Variants in WWC2 observed in about 807,000 individuals in gnomAD.
WWC2 encodes the protein protein WWC2.
In WWC2, 101 loss-of-function variants were observed where a neutral mutation model predicts 138.5. The observed-to-expected ratio is 0.73, with a 90% confidence interval of 0.62 to 0.86. The LOEUF is 0.86. WWC2 is among the 40% of genes least tolerant of loss of function. WWC2 has a pLI of 0.00. For synonymous variants in WWC2, 558 were observed against 538.4 expected, an observed-to-expected ratio of 1.04 and a Z score of -0.50; for missense variants, 1,420 against 1,419.4, an observed-to-expected ratio of 1.00 and a Z score of -0.01.
chr4:183,108,346 A>T (rs2152886943), intron 1 of WWC2, among the ~76,000 whole-genome samples: 1 of 152,160 alleles, frequency 6.6e-6, no homozygotes, highest in Middle Eastern at 3.4e-3. Context: ...TCTCCCCCAA[A>T]ACCGTAGTAA....
chr4:183,187,886 CATAAAA>C (rs1278694853), intron 1 of WWC2, among the ~76,000 whole-genome samples: 2 of 150,726 alleles, frequency 1.3e-5, no homozygotes, highest in Non-Finnish European at 3.0e-5. Flanking sequence ...TAAATAAATA[CATAAAA>C]ATAAAAAAAA....
In WWC2 at chr4:183,213,193, A is replaced by G. The variant is rs150148201; in HGVS notation, c.522+4168A>G. Among the ~76,000 whole-genome samples the G allele has an allele frequency of 1.3e-3, 195 of 152,316 alleles. 1 individual carries two copies. Among genetic ancestry groups the G allele is most frequent in the African/African-American group, 4.5e-3 (189 of 41,570 alleles). On this transcript the variant is annotated intron_variant, in intron 4 of 22. Coordinates refer to ENST00000403733, the MANE Select transcript of WWC2 (RefSeq NM_024949.6). ...TTGAGCTGTGTTTGAACACTTGGGC[A>G]CAGATGGTGCGCTGTTTGGTATCTG...
intron 1 of WWC2, among the ~76,000 whole-genome samples, chr4:183,160,942 T>A (rs2111139511): frequency 6.6e-6 from 1 of 152,168 alleles, no homozygotes; most frequent in Non-Finnish European, 1.5e-5. Context: ...GAAGTAGCTT[T>A]AAGGAGTTAA....
chr4:183,304,132 A>G (rs556006389), intron 21 of WWC2, among the ~76,000 whole-genome samples: 30 of 152,266 alleles, frequency 2.0e-4, no homozygotes, highest in African/African-American at 3.6e-4. Context: ...TGAAAAATCA[A>G]TTCTTCTTAG....
At chr4:183,275,534 A>G (rs1306172721) in intron 16 of WWC2, among the ~76,000 whole-genome samples, 1 of 152,152 alleles carries the variant, frequency 6.6e-6, no homozygotes, top group Non-Finnish European at 1.5e-5. Flanking sequence ...TTGGATTTGT[A>G]AAATGCCTTT....
intron 1 of WWC2, among the ~76,000 whole-genome samples, chr4:183,132,484 C>T (rs1421078897): frequency 3.4e-5 from 5 of 149,244 alleles, no homozygotes; most frequent in Non-Finnish European, 1.5e-5. Context: ...GACGGAGTCT[C>T]GCTCTGTCGC....
chr4:183,268,395 G>A (rs192519884), intron 14 of WWC2, among the ~76,000 whole-genome samples: 26 of 152,264 alleles, frequency 1.7e-4, no homozygotes, highest in East Asian at 3.9e-4. Flanking sequence ...ACAGTTTGTC[G>A]TATCTCAGAA....
At position 183,260,933 on chromosome 4, in the gene WWC2, T is replaced by G. The variant is rs771204711; in HGVS notation, c.1310T>G (p.Met437Arg). Residue 437 changes from methionine (M) to arginine (R), a missense_variant, in exon 11 of 23, where the codon ATG becomes AGG. By Grantham distance (91) the Met-to-Arg change is moderately conservative. Coordinates refer to ENST00000403733, the MANE Select transcript of WWC2 (RefSeq NM_024949.6). Reference protein sequence around the residue: ...LKSLSASTLSMSSGSSLGSLA... With the variant: ...LKSLSASTLSRSSGSSLGSLA... The stretch of plus-strand genomic sequence containing the variant: ...AGCCTCTCTGCCAGCACCCTGTCCA[T>G]GTCATCTGGGAGCAGCCTGGGTTCC... 6.2e-7 allele frequency: 1 copy of G among 1,613,770 alleles called. No individual in the cohort carries two copies. The highest frequency in any genetic ancestry group is 8.5e-7 in the Non-Finnish European group (1 of 1,179,886).
In WWC2 at chr4:183,230,164, G is replaced by A. The variant is rs1019824224; in HGVS notation, c.523-10019G>A. Among the ~76,000 whole-genome samples the A allele has an allele frequency of 1.2e-4, 18 of 151,788 alleles. 1 individual carries two copies. Among genetic ancestry groups the A allele is most frequent in the Admixed American group, 1.0e-3 (16 of 15,266 alleles). ...TTTAAGAGTGGCAGGGTCTCGCTAC[G>A]GTACCTAGGCTGGACCTGAATAAAA... On this transcript the variant is annotated intron_variant, in intron 4 of 22. Transcript: ENST00000403733.
intron 2 of WWC2, among the ~76,000 whole-genome samples, chr4:183,198,733 C>T (rs1276704498): frequency 1.4e-5 from 2 of 138,416 alleles, no homozygotes; most frequent in Non-Finnish European, 1.5e-5. Context: ...GTGGGAAGAT[C>T]GCTAGAGCCT....
Position 183,261,010 on chromosome 4 carries a change from T to C in WWC2, c.1387T>C (p.Ser463Pro). Reference protein sequence around the residue: ...LNTSSRGSLNSLSSTELYYSS... With the variant: ...LNTSSRGSLNPLSSTELYYSS... ...CACCTCCAGCAGAGGGTCACTCAAC[T>C]CCCTCAGTTCCACCGAACTCTATTA... is the stretch of plus-strand genomic sequence containing the variant. The change falls in exon 11 of 23, where the codon TCC becomes CCC. Residue 463 changes from serine to proline, a missense_variant. Physicochemically the swap from Ser to Pro is moderately conservative, Grantham distance 74. Coordinates refer to ENST00000403733, the MANE Select transcript of WWC2 (RefSeq NM_024949.6). 1 of 1,613,948 alleles carries C rather than the reference T, an allele frequency of 6.2e-7. No individual in the cohort carries two copies. The highest frequency in any genetic ancestry group is 8.5e-7 in the Non-Finnish European group (1 of 1,179,874).
chr4:183,107,886 AAG>A (rs1203864743), intron 1 of WWC2, among the ~76,000 whole-genome samples: 2 of 151,990 alleles, frequency 1.3e-5, no homozygotes, highest in Non-Finnish European at 2.9e-5. Flanking sequence ...TAAAAAGTGA[AAG>A]AAAATTTTGA....
intron 1 of WWC2, among the ~76,000 whole-genome samples, chr4:183,186,378 G>A (rs1734800771): frequency 6.6e-6 from 1 of 152,172 alleles, no homozygotes; most frequent in Non-Finnish European, 1.5e-5. Context: ...TATTCGTGAA[G>A]TAACTGTAGG....
chr4:183,116,706 C>G (rs1430429411), intron 1 of WWC2, among the ~76,000 whole-genome samples: 2 of 152,218 alleles, frequency 1.3e-5, no homozygotes, highest in African/African-American at 2.4e-5. Flanking sequence ...AATTCTTATG[C>G]TACCTGTTTT....
At chr4:183,196,419 C>T (rs1459977348) in intron 2 of WWC2, among the ~76,000 whole-genome samples, 1 of 152,152 alleles carries the variant, frequency 6.6e-6, no homozygotes, top group Non-Finnish European at 1.5e-5. Flanking sequence ...TCTTTTGCCT[C>T]TTTCTTCTTC....
At chr4:183,113,486 G>GTGTGTGTA (rs1416048868) in intron 1 of WWC2, among the ~76,000 whole-genome samples, 30 of 93,310 alleles carry the variant, frequency 3.2e-4, no homozygotes, top group African/African-American at 1.4e-3. Flanking sequence ...GGGCCTGTGT[G>GTGTGTGTA]TGTGTGTGTG....
chr4:183,315,521 T>TG, intron 22 of WWC2, 142 bp from the exon 23 acceptor site: 1 of 553,986 alleles, frequency 1.8e-6, no homozygotes, highest in Non-Finnish European at 3.1e-6. Flanking sequence ...TGATTTTAAA[T>TG]GGAGTTCTGC....
At chr4:183,111,311 A>G (rs573508008) in intron 1 of WWC2, among the ~76,000 whole-genome samples, 1 of 152,174 alleles carries the variant, frequency 6.6e-6, no homozygotes, top group African/African-American at 2.4e-5. Flanking sequence ...ACAGTTGTGC[A>G]TTTTATAATT....
At chr4:183,113,480 C>CTGTGTGTGTGTGTG (rs113602820) in intron 1 of WWC2, among the ~76,000 whole-genome samples, 34 of 143,806 alleles carry the variant, frequency 2.4e-4, no homozygotes, top group African/African-American at 7.2e-4. Context: ...AAGGTGGGGC[C>CTGTGTGTGTGTGTG]TGTGTGTGTG....
Sources: allele counts gnomAD v4.1 joint callset (sites outside exome capture counted in the v4.1 genomes callset), GRCh38; gene constraint gnomAD v4.1.1; transcripts MANE v1.5; gene names NCBI Gene and HGNC (gene_info 2026-07-23, HGNC 2026-07-21).